The following SNAP29 variants were observed in gnomAD, a reference collection of about 807,000 sequenced individuals.
The protein encoded by SNAP29 is synaptosome associated protein 29, also known as synaptosomal-associated protein 29.
Under a neutral mutation model 27.9 loss-of-function variants are expected in SNAP29, and 13 were observed. That is an observed-to-expected ratio of 0.47 (90% confidence interval 0.30 to 0.74). The LOEUF is 0.74. Ranked by LOEUF, SNAP29 falls within the 30% of genes least tolerant of loss-of-function variation. SNAP29 has a pLI of 0.06. For synonymous variants in SNAP29, 119 were observed against 127.1 expected (o/e 0.94, Z 0.43); for missense variants, 368 against 336.5 (o/e 1.09, Z -0.73).
rs1298544530 is a variant in SNAP29, at chr22:20,859,334, T to C, written c.224T>C (p.Val75Ala). The part of the protein sequence containing the change: ...ALMYESEKVG[V>A]ASSEELARQR... ...ATGTACGAGTCCGAGAAGGTTGGGG[T>C]CGCCTCTTCCGAGGTGAGCCTGGGG... Residue 75 changes from valine to alanine, a missense_variant, in exon 1 of 5, where the codon GTC (valine) becomes GCC (alanine). Transcript: ENST00000215730. The C allele has an allele frequency of 1.2e-6, 2 of 1,612,846 alleles. No homozygotes were observed. The highest frequency in any genetic ancestry group is 1.7e-5 in the Admixed American group (1 of 60,014).
intron 3 of SNAP29, among the ~76,000 whole-genome samples, chr22:20,882,508 A>AGG (rs1928913229): frequency 6.6e-6 from 1 of 152,140 alleles, no homozygotes; most frequent in South Asian, 2.1e-4. Flanking sequence ...AAGCTCTGGA[A>AGG]CCCACCATGG....
intron 4 of SNAP29, among the ~76,000 whole-genome samples, chr22:20,887,206 A>C: frequency 4.0e-5 from 6 of 151,528 alleles, no homozygotes; most frequent in Non-Finnish European, 5.9e-5. Flanking sequence ...GCCTGGACAA[A>C]AGAGCAAAAT....
chr22:20,871,482 TAAAAAAA>T (rs58294079), intron 2 of SNAP29, among the ~76,000 whole-genome samples: 3 of 64,132 alleles, frequency 4.7e-5, no homozygotes, highest in African/African-American at 6.3e-5. Flanking sequence ...TCCCTGTCTC[TAAAAAAA>T]AAAAAAAAAA....
At chr22:20,874,027 G>C (rs1928661286) in intron 2 of SNAP29, among the ~76,000 whole-genome samples, 1 of 141,666 alleles carries the variant, frequency 7.1e-6, no homozygotes, top group Admixed American at 7.3e-5. Flanking sequence ...TGTAATCCCA[G>C]CACTTTGGGA....
chr22:20,872,504 C>T (rs1253901575), intron 2 of SNAP29, among the ~76,000 whole-genome samples: 5 of 151,854 alleles, frequency 3.3e-5, no homozygotes, highest in Non-Finnish European at 5.9e-5. Context: ...GGGTTCATGC[C>T]GTTCTCCTGC....
intron 4 of SNAP29, among the ~76,000 whole-genome samples, chr22:20,884,331 T>TG (rs1162835003): frequency 7.5e-6 from 1 of 133,274 alleles, no homozygotes; most frequent in Non-Finnish European, 1.6e-5. Flanking sequence ...AAACTCCACC[T>TG]AAAAAAAAAA....
At chr22:20,870,163 G>A (rs1928552378) in intron 1 of SNAP29, among the ~76,000 whole-genome samples, 174 bp from the exon 2 acceptor site, 1 of 152,098 alleles carries the variant, frequency 6.6e-6, no homozygotes, top group Non-Finnish European at 1.5e-5. Flanking sequence ...GGGCAGGGAG[G>A]GAGAGGCAAA....
rs575223068 is a variant in SNAP29, at chr22:20,874,327, C to G, written c.434+3794C>G. On this transcript the variant is annotated intron_variant, in intron 2 of 4. Coordinates refer to ENST00000215730, the MANE Select transcript of SNAP29 (RefSeq NM_004782.4). ...ACACAGACACACACAGACACACACA[C>G]ACACACACACACGAAAATTAGCCAC... Among the ~76,000 whole-genome samples the G allele has an allele frequency of 3.2e-3, 468 of 146,486 alleles. 5 individuals carry two copies. Among genetic ancestry groups the G allele is most frequent in the African/African-American group, 0.011 (450 of 40,066 alleles).
intron 2 of SNAP29, among the ~76,000 whole-genome samples, chr22:20,877,436 A>G (rs1234681571): frequency 6.6e-6 from 1 of 152,164 alleles, no homozygotes; most frequent in African/African-American, 2.4e-5. Flanking sequence ...CACACCTGTA[A>G]TCTCAGCTAC....
Position 20,870,495 on chromosome 22 carries a change from T to C in SNAP29, c.396T>C (p.Pro132=). 6.2e-7 allele frequency: 1 copy of C among 1,614,166 alleles called. No homozygotes were observed. The highest frequency in any genetic ancestry group is 8.5e-7 in the Non-Finnish European group (1 of 1,180,020). ...AATCCAAACCAGTAGAGACCCCACCTGAACAGAATGGCACCCTCACCTCCC... is the reference window on the plus strand; with the variant it reads ...AATCCAAACCAGTAGAGACCCCACCCGAACAGAATGGCACCCTCACCTCCC... ...YFKSKPVETP[P]EQNGTLTSQP... is the part of the protein sequence containing the mutation. The change falls in exon 2 of 5, where the codon CCT becomes CCC. Residue 132 remains proline (P), a synonymous_variant. Transcript: ENST00000215730.
At position 20,878,468 on chromosome 22, in the gene SNAP29, C is replaced by G. The variant is rs148664774; in HGVS notation, c.435-2581C>G. Among the ~76,000 whole-genome samples, 340 of 152,138 alleles carry G rather than the reference C, an allele frequency of 2.2e-3. 5 individuals carry two copies. In the East Asian group the frequency reaches 0.054, roughly 24 times the overall value. On this transcript the variant is annotated intron_variant, in intron 2 of 4. Transcript: ENST00000215730. ...TGGCGGGCGCCTGTAGTCCCAGCTA[C>G]TTGGGAGGCTGAGGCAGGAGAATGG...
At chr22:20,869,872 G>A (rs369271810) in intron 1 of SNAP29, among the ~76,000 whole-genome samples, 1 of 152,054 alleles carries the variant, frequency 6.6e-6, no homozygotes, top group African/African-American at 2.4e-5. Context: ...CAGGGTTGAA[G>A]CAATTCTCCT....
chr22:20,864,491 A>T (rs1046781065), intron 1 of SNAP29, among the ~76,000 whole-genome samples: 3 of 152,102 alleles, frequency 2.0e-5, no homozygotes, highest in Non-Finnish European at 2.9e-5. Context: ...CCAAAAGGTG[A>T]TATCCTCATT....
In SNAP29 at chr22:20,888,667, G is replaced by A. The variant is rs1929083202; in HGVS notation, c.*831G>A. On this transcript the variant is annotated 3_prime_UTR_variant, in exon 5 of 5. Transcript: ENST00000215730. ...GGCTGACCGACAGGGGCGCCCAATAGAGTTTGTGGGAATGGAGTATTGCAC... is the reference window on the plus strand; with the variant it reads ...GGCTGACCGACAGGGGCGCCCAATAAAGTTTGTGGGAATGGAGTATTGCAC... 6.5e-6 allele frequency: 1 copy of A among 152,790 alleles called. No individual in the cohort carries two copies. Among genetic ancestry groups the A allele is most frequent in the African/African-American group, 2.4e-5 (1 of 41,448 alleles). The allele number at this position is 152,790 out of a possible 1,614,324, so 9.5% of individuals were successfully genotyped here. A position where few individuals can be genotyped will look rare whatever the true frequency, so the allele number is the denominator to read the frequency against.
intron 4 of SNAP29, among the ~76,000 whole-genome samples, chr22:20,883,855 G>A (rs904654368): frequency 5.3e-5 from 8 of 152,044 alleles, no homozygotes; most frequent in African/African-American, 1.9e-4. Context: ...GGACGTGACC[G>A]CTCACTTCAT....
At chr22:20,870,223 C>T (rs1928553801) in intron 1 of SNAP29, 114 bp from the exon 2 acceptor site, 2 of 871,010 alleles carry the variant, frequency 2.3e-6, no homozygotes, top group South Asian at 1.4e-5. Context: ...TGACAGTACC[C>T]GTCTCCAGAT....
At chr22:20,869,793 C>T (rs1928542285) in intron 1 of SNAP29, among the ~76,000 whole-genome samples, 1 of 151,968 alleles carries the variant, frequency 6.6e-6, no homozygotes, top group Non-Finnish European at 1.5e-5. Context: ...CCAACCGAGA[C>T]GGAGTCTTGC....
chr22:20,891,029 G>GCCATTGCACTCCAGCCTGGGCA lies in SNAP29; in HGVS notation c.*3193_*3194insCCATTGCACTCCAGCCTGGGCA, dbSNP rs1929142706. 6.6e-6 allele frequency: 1 copy of GCCATTGCACTCCAGCCTGGGCA among 151,924 alleles called. No homozygotes were observed. The highest frequency in any genetic ancestry group is 1.5e-5 in the Non-Finnish European group (1 of 67,986). 9.4% of individuals were successfully genotyped at this position (151,924 alleles called of 1,614,324 possible). On this transcript the variant is annotated 3_prime_UTR_variant, in exon 5 of 5. Transcript: ENST00000215730. ...GGCGGAGCTTGCAGTGAGCCAAGGC[G>GCCATTGCACTCCAGCCTGGGCA]ACAGAGCAAGACTCTGTCTCAAAAA...
chr22:20,868,743 G>T (rs1175782073), intron 1 of SNAP29, among the ~76,000 whole-genome samples: 2 of 152,230 alleles, frequency 1.3e-5, no homozygotes, highest in Non-Finnish European at 2.9e-5. Flanking sequence ...GAGCCTTCTG[G>T]CTGGAAAGGC....
Sources: allele counts gnomAD v4.1 joint callset (sites outside exome capture counted in the v4.1 genomes callset), GRCh38; gene constraint gnomAD v4.1.1; transcripts MANE v1.5; gene names NCBI Gene and HGNC (gene_info 2026-07-23, HGNC 2026-07-21).